ZNF320: variants seen among roughly 807,000 people sequenced by gnomAD.
The protein encoded by ZNF320 is zinc finger protein 320.
ZNF320 carries 2 observed loss-of-function variants against 6.8 expected under a neutral mutation model. The ratio of observed to expected loss-of-function variants is 0.29; its 90% CI spans 0.12 to 0.93. ZNF320 has a LOEUF of 0.93. ZNF320 is among the 40% of genes least tolerant of loss of function. The pLI is 0.55. For missense variants in ZNF320, 472 were observed against 611.0 expected (o/e 0.77, Z 2.40); for synonymous variants, 208 against 203.2 (o/e 1.02, Z -0.20).
At chr19:52,892,476 T>A (rs1360541570) in intron 2 of ZNF320, among the ~76,000 whole-genome samples, 2 of 149,138 alleles carry the variant, frequency 1.3e-5, no homozygotes, top group Non-Finnish European at 3.0e-5. Flanking sequence ...GGTGGCCAGA[T>A]ACAGTGGCTC....
chr19:52,888,302 T>C (rs1260125928), intron 4 of ZNF320, 49 bp from the exon 5 acceptor site: 2 of 784,316 alleles, frequency 2.5e-6, no homozygotes, highest in African/African-American at 3.2e-5. Flanking sequence ...GGAGATCTTA[T>C]CTTTACAGAA....
At chr19:52,892,835 A>G (rs773405894) in intron 2 of ZNF320, among the ~76,000 whole-genome samples, 2 of 150,814 alleles carry the variant, frequency 1.3e-5, no homozygotes, top group Non-Finnish European at 1.5e-5. Flanking sequence ...CCTTGCCACC[A>G]GCACCACTCT....
rs1568695454 is a variant in ZNF320 at position 52,867,181 on chromosome 19, A to ATTT, written c.224-3023_224-3022insAAA. ...CATGTTTGGATTTAATTAATTAATT[A>ATTT]ATTAATTAATTTATTTATTTATGTA... is the stretch of plus-strand genomic sequence containing the variant. On this transcript the variant is annotated intron_variant, in intron 5 of 5. Coordinates refer to the ZNF320 transcript ENST00000673631. Among the ~76,000 whole-genome samples, 82 of 151,604 alleles carry ATTT rather than the reference A, an allele frequency of 5.4e-4. No individual in the cohort carries two copies. In the East Asian group the frequency reaches 0.013, roughly 23 times the overall value.
chr19:52,893,992 T>C (rs2064391479), intron 1 of ZNF320, 136 bp from the exon 2 acceptor site: 1 of 152,050 alleles, frequency 6.6e-6, no homozygotes, highest in Non-Finnish European at 1.5e-5. Context: ...ACAGAAATTA[T>C]GACGAACTAC....
At chr19:52,871,892 A>G (rs1460586103), downstream of ZNF320, among the ~76,000 whole-genome samples, 1 of 152,218 alleles carries the variant, frequency 6.6e-6, no homozygotes, top group Non-Finnish European at 1.5e-5. Flanking sequence ...TATGTTACAA[A>G]GAGAGGAAGC....
Position 52,880,661 on chromosome 19 carries a change from T to C in ZNF320, c.1465A>G (p.Lys489Glu). The change falls in exon 6 of 6, where the codon AAA (lysine) becomes GAA (glutamate). Residue 489 changes from lysine to glutamate, a missense_variant. Lys to Glu is a moderately conservative substitution (Grantham distance 56). Around this residue, in one of 2 missense-constraint regions of ZNF320, gnomAD observed 462 missense variants for 559.7 expected, o/e 0.83. Coordinates refer to ENST00000682928, the MANE Select transcript of ZNF320 (RefSeq NM_001351774.2). The stretch of plus-strand genomic sequence containing the variant: ...AAACAATTGTCTCCAAAAGGAATTT[T>C]CTGATGTTCTGCAAGGAGTGACCTC... ...SLRSLLAEHQ[K>E]IPFGDNCFKC... 1 of 1,613,540 alleles carries C rather than the reference T, an allele frequency of 6.2e-7. No homozygotes were observed. The highest frequency in any genetic ancestry group is 8.5e-7 in the Non-Finnish European group (1 of 1,179,732).
Position 52,881,973 on chromosome 19 carries a change from G to C in ZNF320, c.153C>G (p.Ser51=). 6.2e-7 allele frequency: 1 copy of C among 1,605,468 alleles called. No homozygotes were observed. The highest frequency in any genetic ancestry group is 8.5e-7 in the Non-Finnish European group (1 of 1,176,854). ...ATGACAATGTATTCATCATGCATTT[G>C]GAAGAGATATCTACAAAATATAAAC... ...YRNLVSLDIS[S]KCMMNTLSST... The change falls in exon 6 of 6, where the codon TCC becomes TCG. Residue 51 remains serine, a synonymous_variant. Coordinates refer to ENST00000682928, the MANE Select transcript of ZNF320 (RefSeq NM_001351774.2).
At chr19:52,888,996 C>T (rs977038809) in intron 4 of ZNF320, among the ~76,000 whole-genome samples, 27 of 151,838 alleles carry the variant, frequency 1.8e-4, no homozygotes, top group Non-Finnish European at 3.7e-4. Flanking sequence ...CTAGCCTGGC[C>T]AACATGGTGA....
intron 5 of ZNF320, among the ~76,000 whole-genome samples, chr19:52,884,914 A>C (rs1308994559): frequency 1.3e-5 from 2 of 152,204 alleles, no homozygotes; most frequent in African/African-American, 4.8e-5. Flanking sequence ...AACATGTTTT[A>C]AAAACCTTGA....
At chr19:52,873,957 GAGAC>G (rs778971357), downstream of ZNF320, 4 of 428,676 alleles carry the variant, frequency 9.3e-6, no homozygotes, top group African/African-American at 8.4e-5. Flanking sequence ...AGAAAGGAAA[GAGAC>G]AGAAGAATCC....
At chr19:52,875,083 T>C (rs1407243939), downstream of ZNF320, among the ~76,000 whole-genome samples, 1 of 152,228 alleles carries the variant, frequency 6.6e-6, no homozygotes, top group Non-Finnish European at 1.5e-5. Context: ...ACTCCTTTCA[T>C]GTATACATGC....
downstream of ZNF320, among the ~76,000 whole-genome samples, chr19:52,872,973 T>C (rs139660335): frequency 2.1e-3 from 315 of 152,350 alleles, 1 homozygote; most frequent in African/African-American, 7.1e-3. Flanking sequence ...AGGCCAGGTT[T>C]ATGTTTGACT....
upstream of ZNF320, among the ~76,000 whole-genome samples, chr19:52,900,032 C>T (rs970694708): frequency 6.6e-6 from 1 of 152,100 alleles, no homozygotes; most frequent in Non-Finnish European, 1.5e-5. Flanking sequence ...CCTAGAAGTT[C>T]ACCTGTATTT....
chr19:52,898,514 T>C (rs2064538176), upstream of ZNF320, among the ~76,000 whole-genome samples: 1 of 152,190 alleles, frequency 6.6e-6, no homozygotes, highest in African/African-American at 2.4e-5. Flanking sequence ...AGCATTGACA[T>C]TGTAACAGTG....
downstream of ZNF320, among the ~76,000 whole-genome samples, chr19:52,873,729 G>A (rs549249483): frequency 5.9e-5 from 9 of 152,208 alleles, no homozygotes; most frequent in East Asian, 1.5e-3. Context: ...CTGACACCAT[G>A]GGGCCCACAC....
downstream of ZNF320, among the ~76,000 whole-genome samples, chr19:52,872,101 C>T (rs534420926): frequency 6.6e-6 from 1 of 152,284 alleles, no homozygotes; most frequent in African/African-American, 2.4e-5. Context: ...GTGGGTATCA[C>T]TTGAGCCCAC....
intron 5 of ZNF320, among the ~76,000 whole-genome samples, chr19:52,866,593 G>A (rs779611245): frequency 6.6e-6 from 1 of 152,008 alleles, no homozygotes; most frequent in African/African-American, 2.4e-5. Context: ...TTATCATGTC[G>A]AGCTCTTTGG....
chr19:52,881,085 A>C lies in ZNF320; in HGVS notation c.1041T>G (p.His347Gln). Residue 347 changes from histidine to glutamine, a missense_variant, in exon 6 of 6, where the codon CAT becomes CAG. His to Gln is a conservative substitution (Grantham distance 24). This residue lies in a region of ZNF320 where 462 missense variants were observed against 559.7 expected (regional missense o/e 0.83). Transcript: ENST00000682928. ...VFSRKSHLER[H>Q]RRIHTGEKPY... ...GTTTCTCTCCAGTATGAATCCTCCT[A>C]TGTCTTTCAAGATGTGATTTGCGAC... is the stretch of plus-strand genomic sequence containing the variant. The C allele has an allele frequency of 1.2e-6, 2 of 1,614,064 alleles. No homozygotes were observed. Among genetic ancestry groups the C allele is most frequent in the Non-Finnish European group, 1.7e-6 (2 of 1,180,008 alleles).
chr19:52,874,976 G>A (rs961447413), downstream of ZNF320, among the ~76,000 whole-genome samples: 2 of 152,132 alleles, frequency 1.3e-5, no homozygotes, highest in Non-Finnish European at 2.9e-5. Flanking sequence ...AGGAGATGAA[G>A]TCAGAGGGGT....
Sources: allele counts gnomAD v4.1 joint callset (sites outside exome capture counted in the v4.1 genomes callset), GRCh38; gene constraint gnomAD v4.1.1; regional missense constraint gnomAD v4.1.1; transcripts MANE v1.5; gene names NCBI Gene and HGNC (gene_info 2026-07-23, HGNC 2026-07-21).